CFAP43: variants seen among roughly 807,000 people sequenced by gnomAD.
The protein encoded by CFAP43 is cilia and flagella associated protein 43, also known as cilia- and flagella-associated protein 43.
CFAP43 carries 155 observed loss-of-function variants against 218.9 expected under a neutral mutation model. The observed-to-expected ratio is 0.71, with a 90% confidence interval of 0.62 to 0.81. The LOEUF is 0.81. Ranked by LOEUF, CFAP43 falls within the 30% of genes least tolerant of loss-of-function variation. The probability of loss-of-function intolerance (pLI) is 0.00; values close to 1 mark genes in which losing one functional copy is unlikely to be tolerated. For synonymous variants in CFAP43, 645 were observed against 681.3 expected (o/e 0.95, Z 0.83); for missense variants, 1,778 against 1,954.3 (o/e 0.91, Z 1.70).
intron 3 of CFAP43, among the ~76,000 whole-genome samples, chr10:104,219,157 T>C (rs1724583549): frequency 6.7e-6 from 1 of 150,238 alleles, no homozygotes; most frequent in South Asian, 2.1e-4. Context: ...TCAGTATCTC[T>C]CTGAATAGCA....
chr10:104,218,526 C>CGAGGGGA (rs2091086303), intron 3 of CFAP43, among the ~76,000 whole-genome samples: 1 of 151,714 alleles, frequency 6.6e-6, no homozygotes, highest in African/African-American at 2.4e-5. Context: ...TTTAACTGGC[C>CGAGGGGA]GAGGGGAGAG....
Position 104,194,039 on chromosome 10 carries a change from G to A in CFAP43, c.1294-25C>T, listed in dbSNP as rs200047433. 3.8e-5 allele frequency: 61 copies of A among 1,609,080 alleles called. No individual in the cohort carries two copies. In the Admixed American group the frequency reaches 6.7e-4, roughly 18 times the overall value. On this transcript the variant is annotated intron_variant, in intron 10 of 37. Coordinates refer to ENST00000357060, the MANE Select transcript of CFAP43 (RefSeq NM_025145.7). ...CCTGTTTAAAATAAACCCCAGATGC[G>A]TATCTCTATTGTGCCTGCTCTCCTA...
chr10:104,162,892 C>T (rs2088953820), intron 24 of CFAP43, among the ~76,000 whole-genome samples: 1 of 151,972 alleles, frequency 6.6e-6, no homozygotes, highest in Non-Finnish European at 1.5e-5. Flanking sequence ...AGGGGTGAGG[C>T]AGAGAAGGGA....
At chr10:104,196,829 A>G (rs780629715) in intron 10 of CFAP43, 24 bp downstream of exon 10, 27 of 1,554,644 alleles carry the variant, frequency 1.7e-5, no homozygotes, top group Middle Eastern at 1.7e-4. Flanking sequence ...ATTTTTTTAA[A>G]ATCCATTTAT....
At chr10:104,141,338 G>A (rs375650614) in intron 33 of CFAP43, among the ~76,000 whole-genome samples, 2 of 152,298 alleles carry the variant, frequency 1.3e-5, no homozygotes, top group South Asian at 4.1e-4. Context: ...CTGGCCAGGC[G>A]CAGTGGCTCA....
At chr10:104,209,117 G>A (rs182934648) in intron 5 of CFAP43, among the ~76,000 whole-genome samples, 22 of 152,204 alleles carry the variant, frequency 1.4e-4, no homozygotes, top group African/African-American at 3.6e-4. Flanking sequence ...TTGGTACCCA[G>A]GTCACAAGAA....
chr10:104,143,578 C>T lies in CFAP43; in HGVS notation c.4006G>A (p.Gly1336Arg). ...GCATCCTTATTCAACTTGCCAGATCCTGGTAGTTCTCCGAAAGGGACAACG... is the reference window on the plus strand; with the variant it reads ...GCATCCTTATTCAACTTGCCAGATCTTGGTAGTTCTCCGAAAGGGACAACG... Reference protein sequence around the residue: ...TSVVPFGELPGSGKLNKDAFA... With the variant: ...TSVVPFGELPRSGKLNKDAFA... Residue 1336 changes from glycine to arginine, a missense_variant, in exon 32 of 38, where the codon GGA becomes AGA. Coordinates refer to ENST00000357060, the MANE Select transcript of CFAP43 (RefSeq NM_025145.7). The T allele has an allele frequency of 6.2e-7, 1 of 1,614,200 alleles. No homozygotes were observed. Among genetic ancestry groups the T allele is most frequent in the East Asian group, 2.2e-5 (1 of 44,880 alleles).
At chr10:104,226,006 A>T (rs1158266517) in intron 2 of CFAP43, among the ~76,000 whole-genome samples, 1 of 152,206 alleles carries the variant, frequency 6.6e-6, no homozygotes, top group Non-Finnish European at 1.5e-5. Flanking sequence ...AATATCTGCC[A>T]GCTTTTGGAA....
chr10:104,229,407 C>T (rs911532787), intron 2 of CFAP43, among the ~76,000 whole-genome samples: 1 of 151,108 alleles, frequency 6.6e-6, no homozygotes, highest in Non-Finnish European at 1.5e-5. Context: ...AATCCCAGCA[C>T]TTTGGGAGGC....
intron 28 of CFAP43, among the ~76,000 whole-genome samples, chr10:104,148,705 C>A (rs541646561): frequency 6.6e-6 from 1 of 152,204 alleles, no homozygotes; most frequent in Non-Finnish European, 1.5e-5. Context: ...TAAATGGAAG[C>A]GGCCTGAGGC....
chr10:104,216,093 CTCAGAG>C (rs1410422190), intron 3 of CFAP43, among the ~76,000 whole-genome samples: 1 of 152,194 alleles, frequency 6.6e-6, no homozygotes, highest in Admixed American at 6.5e-5. Flanking sequence ...CTCCCCTCTC[CTCAGAG>C]TCAAACTTTT....
chr10:104,182,454 G>T lies in CFAP43; in HGVS notation c.2201C>A (p.Ser734Tyr). The T allele has an allele frequency of 1.2e-6, 2 of 1,612,342 alleles. No individual in the cohort carries two copies. The highest frequency in any genetic ancestry group is 2.2e-5 in the South Asian group (2 of 90,654). Residue 734 changes from serine to tyrosine, a missense_variant, in exon 17 of 38, where the codon TCC becomes TAC. Around this residue, in one of 3 missense-constraint regions of CFAP43, gnomAD observed 1,553 missense variants for 1,685.2 expected, o/e 0.92. Transcript: ENST00000357060. ...CTCCTTGTCCATGGCGCTGCTCAGGGAAATTAATAGTTTCTGGTAATAGTC... is the reference window on the plus strand; with the variant it reads ...CTCCTTGTCCATGGCGCTGCTCAGGTAAATTAATAGTTTCTGGTAATAGTC... Reference protein sequence around the residue: ...ILDYYQKLLISLSSAMDKENH... With the variant: ...ILDYYQKLLIYLSSAMDKENH...
chr10:104,232,193 G>A lies in CFAP43; in HGVS notation c.54C>T (p.Ser18=), dbSNP rs1035371536. Residue 18 remains serine, a synonymous_variant, in exon 1 of 38, where the codon TCC becomes TCT. Transcript: ENST00000357060. ...DEGPHSAGGA[S]LSVRWVQGFP... is the part of the protein sequence containing the mutation. ...CGTGAACACCGCACCTCACGGACAA[G>A]GACGCGCCGCCGGCGGAGTGGGGGC... The A allele has an allele frequency of 3.7e-6, 6 of 1,609,546 alleles. No homozygotes were observed. The Middle Eastern group carries it at 6.6e-4, about 178-fold the overall frequency.
chr10:104,151,335 T>G (rs647308), intron 28 of CFAP43, among the ~76,000 whole-genome samples: 42,628 of 152,092 alleles, frequency 0.28, 8,603 homozygotes, highest in African/African-American at 0.58. Context: ...TTTCCACAAT[T>G]GTTGAGCTAA....
chr10:104,163,718 G>C (rs533940023), intron 24 of CFAP43, among the ~76,000 whole-genome samples: 1 of 152,298 alleles, frequency 6.6e-6, no homozygotes, highest in South Asian at 2.1e-4. Flanking sequence ...ACTGGGAATT[G>C]GGACTAAGAG....
intron 35 of CFAP43, 153 bp downstream of exon 35, chr10:104,133,467 G>T: frequency 1.3e-6 from 1 of 788,086 alleles, no homozygotes; most frequent in Non-Finnish European, 1.9e-6. Flanking sequence ...AATGTAAACT[G>T]TTGGAAGAAA....
chr10:104,155,599 G>C (rs1198499317), intron 27 of CFAP43, among the ~76,000 whole-genome samples: 1 of 152,140 alleles, frequency 6.6e-6, no homozygotes, highest in Non-Finnish European at 1.5e-5. Context: ...AAGTACTATG[G>C]AGAACCACAA....
At chr10:104,194,989 A>G (rs1055308010) in intron 10 of CFAP43, among the ~76,000 whole-genome samples, 1 of 152,190 alleles carries the variant, frequency 6.6e-6, no homozygotes, top group Non-Finnish European at 1.5e-5. Flanking sequence ...GTATATGTGT[A>G]TGTGTTCCCA....
intron 27 of CFAP43, among the ~76,000 whole-genome samples, chr10:104,156,793 A>G (rs2088569831): frequency 6.6e-6 from 1 of 152,212 alleles, no homozygotes; most frequent in South Asian, 2.1e-4. Context: ...ACCAAGCACA[A>G]TGATATGGTA....
Sources: gnomAD v4.1 joint callset for allele counts (sites outside exome capture counted in the v4.1 genomes callset) on GRCh38, gnomAD v4.1.1 for gene constraint, gnomAD v4.1.1 regional missense constraint, MANE v1.5 for transcripts, NCBI Gene and HGNC (gene_info 2026-07-23, HGNC 2026-07-21) for gene names.